The following DNAH10 variants were observed in gnomAD, a reference collection of about 807,000 sequenced individuals.
DNAH10 encodes axonemal beta dynein heavy chain 10.
In DNAH10, 348 loss-of-function variants were observed where a neutral mutation model predicts 506.6. The observed-to-expected ratio is 0.69, with a 90% CI of 0.63 to 0.75. The LOEUF is 0.75. DNAH10 is among the 30% of genes least tolerant of loss of function. The pLI, the probability that DNAH10 is intolerant of heterozygous loss-of-function variation, is 0.00. For synonymous variants in DNAH10, 2,059 were observed against 2,198.6 expected, an observed-to-expected ratio of 0.94 and a Z score of 1.78; for missense variants, 5,179 against 5,787.1, an observed-to-expected ratio of 0.89 and a Z score of 3.41.
chr12:123,865,445 G>A (rs975160688), intron 40 of DNAH10, among the ~76,000 whole-genome samples: 1 of 151,970 alleles, frequency 6.6e-6, no homozygotes. Flanking sequence ...AAATTTGTCA[G>A]TGCATGAAAT....
rs1382578487 is a variant in DNAH10, at chr12:123,933,336, CGA to C, written c.13306_13307del (p.Ser4436ArgfsTer14). On this transcript the variant is annotated frameshift_variant, in exon 77 of 79. Coordinates refer to ENST00000673944, the MANE Select transcript of DNAH10 (RefSeq NM_001372106.1). LOFTEE classifies it high-confidence loss of function. ...RFSQYMLWVT[E>X]SEPSVMWLSG... ...TTGTCCTCTCTTCTCTCCAGGTGACCGAGAGCGAGCCCAGCGTGATGTGGCTC... is the reference window on the plus strand; with the variant it reads ...TTGTCCTCTCTTCTCTCCAGGTGACCGAGCGAGCCCAGCGTGATGTGGCTC... 1 of 1,564,334 alleles carries C rather than the reference CGA, an allele frequency of 6.4e-7. No individual in the cohort carries two copies. Among genetic ancestry groups the C allele is most frequent in the African/African-American group, 1.4e-5 (1 of 73,002 alleles).
At chr12:123,836,115 G>A (rs1402725422) in intron 28 of DNAH10, among the ~76,000 whole-genome samples, 1 of 152,144 alleles carries the variant, frequency 6.6e-6, no homozygotes, top group Non-Finnish European at 1.5e-5. Context: ...TCATGGTTCT[G>A]TCACTTTAAT....
chr12:123,921,250 C>T (rs577323009), intron 65 of DNAH10, among the ~76,000 whole-genome samples: 1 of 152,302 alleles, frequency 6.6e-6, no homozygotes, highest in East Asian at 1.9e-4. Flanking sequence ...TCAGCCTTTT[C>T]CTAGAGTATG....
At chr12:123,934,063 A>C (rs1263820841) in intron 77 of DNAH10, 1 of 562,394 alleles carries the variant, frequency 1.8e-6, no homozygotes, top group Non-Finnish European at 3.2e-6. Context: ...CTGGGGACTT[A>C]CGGTAAAGAT....
At chr12:123,852,191 A>G (rs1459430200) in intron 35 of DNAH10, among the ~76,000 whole-genome samples, 2 of 152,240 alleles carry the variant, frequency 1.3e-5, no homozygotes, top group African/African-American at 4.8e-5. Flanking sequence ...GACATGTAGT[A>G]TGGAACCCTT....
chr12:123,866,625 A>G (rs970650854), intron 41 of DNAH10, among the ~76,000 whole-genome samples: 1 of 152,130 alleles, frequency 6.6e-6, no homozygotes, highest in African/African-American at 2.4e-5. Context: ...AGGTTGACAA[A>G]CTTTTTCTGT....
intron 52 of DNAH10, among the ~76,000 whole-genome samples, chr12:123,892,775 C>G (rs991888008): frequency 2.0e-5 from 3 of 152,210 alleles, no homozygotes; most frequent in Admixed American, 6.5e-5. Context: ...CTGGGCTGTT[C>G]TTTGTTGTGG....
chr12:123,851,046 GCT>G lies in DNAH10; in HGVS notation c.6264_6265del (p.Phe2089LeufsTer2). The part of the protein sequence containing the change: ...PDLQQICEIM[L>X]FSEGFLEAKT... Reference sequence around the variant, plus strand: ...ACCTGCAGCAGATCTGTGAGATCATGCTCTTCTCTGAGGGCTTCCTGGAGGCC... The same window carrying G: ...ACCTGCAGCAGATCTGTGAGATCATGCTTCTCTGAGGGCTTCCTGGAGGCC... On this transcript the variant is annotated frameshift_variant, in exon 35 of 79. Transcript: ENST00000673944. LOFTEE classifies it high-confidence loss of function. 2 of 1,611,678 alleles carry G rather than the reference GCT, an allele frequency of 1.2e-6. No individual in the cohort carries two copies. Among genetic ancestry groups the G allele is most frequent in the Non-Finnish European group, 1.7e-6 (2 of 1,178,378 alleles).
rs780124451 is a variant in DNAH10, at chr12:123,932,048, A to T, written c.13236A>T (p.Leu4412Phe). The change falls in exon 76 of 79, where the codon TTA becomes TTT. Residue 4412 changes from leucine (L) to phenylalanine (F), a missense_variant. Physicochemically the swap from Leu to Phe is conservative, Grantham distance 22 (BLOSUM62 0). Transcript: ENST00000673944. ...NIWRRLAPDT[L>F]KSLGNWMVYF... ...GGAGAAGGCTTGCTCCTGACACCTT[A>T]AAGTCCCTTGGAAACTGGATGGTCT... 6.2e-7 allele frequency: 1 copy of T among 1,613,880 alleles called. No individual in the cohort carries two copies. The highest frequency in any genetic ancestry group is 1.3e-5 in the African/African-American group (1 of 74,924).
intron 54 of DNAH10, among the ~76,000 whole-genome samples, chr12:123,896,149 A>ACACACACAGAGATT (rs61054448): frequency 1.4e-4 from 8 of 59,212 alleles, no homozygotes; most frequent in Admixed American, 7.9e-4. Context: ...ACACACACAC[A>ACACACACAGAGATT]GAGAGAGAGA....
At chr12:123,822,527 T>C (rs1232531537) in intron 24 of DNAH10, among the ~76,000 whole-genome samples, 1 of 152,214 alleles carries the variant, frequency 6.6e-6, no homozygotes, top group Middle Eastern at 3.2e-3. Flanking sequence ...TGTATCTATA[T>C]CTAATCTACA....
chr12:123,931,234 A>C (rs1184449129), intron 73 of DNAH10, 107 bp from the exon 74 acceptor site: 4 of 1,506,792 alleles, frequency 2.7e-6, no homozygotes, highest in Non-Finnish European at 3.5e-6. Flanking sequence ...GTCACCCTCT[A>C]AACAGTGGAA....
In DNAH10 at chr12:123,800,270, A is replaced by G. The variant is rs750118664; in HGVS notation, c.2344A>G (p.Ile782Val). ...STLERGAVFA[I>V]NFSPALREII... is the part of the protein sequence containing the mutation. Reference sequence around the variant, plus strand: ...TTTAGAAAGGGGAGCTGTTTTTGCAATCAACTTTTCACCGGCTCTCAGAGA... The same window carrying G: ...TTTAGAAAGGGGAGCTGTTTTTGCAGTCAACTTTTCACCGGCTCTCAGAGA... The change falls in exon 15 of 79, where the codon ATC becomes GTC. Residue 782 changes from isoleucine to valine, a missense_variant. Ile to Val is a conservative substitution (Grantham distance 29). Transcript: ENST00000673944. 8.1e-6 allele frequency: 13 copies of G among 1,614,034 alleles called. No homozygotes were observed. The highest frequency in any genetic ancestry group is 1.1e-5 in the South Asian group (1 of 91,044).
intron 66 of DNAH10, 111 bp from the exon 67 acceptor site, chr12:123,924,167 G>T: frequency 7.2e-7 from 1 of 1,395,612 alleles, no homozygotes; most frequent in Non-Finnish European, 9.5e-7. Context: ...CCTGTTTCCA[G>T]TCTCCTTCTT....
chr12:123,783,617 G>C (rs1957744007), intron 7 of DNAH10, among the ~76,000 whole-genome samples: 1 of 152,196 alleles, frequency 6.6e-6, no homozygotes, highest in Admixed American at 6.5e-5. Flanking sequence ...TCTGATCAGG[G>C]CTCTGGCTAT....
intron 29 of DNAH10, among the ~76,000 whole-genome samples, chr12:123,840,627 AATACTTC>A (rs1950741116): frequency 6.6e-6 from 1 of 152,044 alleles, no homozygotes; most frequent in South Asian, 2.1e-4. Flanking sequence ...CAGTGTTAGG[AATACTTC>A]ATTTACTGTT....
intron 56 of DNAH10, among the ~76,000 whole-genome samples, chr12:123,899,017 T>C (rs75454973): frequency 0.32 from 48,193 of 152,040 alleles, 8,831 homozygotes; most frequent in African/African-American, 0.52. Flanking sequence ...CAGCCAGTCT[T>C]GTCCCCTTTC....
At chr12:123,789,891 AAT>A (rs1958014084) in intron 10 of DNAH10, 34 bp from the exon 11 acceptor site, 5 of 1,583,004 alleles carry the variant, frequency 3.2e-6, no homozygotes, top group Non-Finnish European at 4.3e-6. Flanking sequence ...GGAAAACCCA[AAT>A]GTAATCTCCT....
intron 30 of DNAH10, among the ~76,000 whole-genome samples, chr12:123,842,366 G>C (rs774777811): frequency 2.0e-5 from 3 of 152,236 alleles, no homozygotes; most frequent in Non-Finnish European, 2.9e-5. Context: ...AGCCCTGCCT[G>C]CTCCTAGCAG....
Sources: gnomAD v4.1 joint callset for allele counts (sites outside exome capture counted in the v4.1 genomes callset) on GRCh38, gnomAD v4.1.1 for gene constraint, MANE v1.5 for transcripts, NCBI Gene and HGNC (gene_info 2026-07-23, HGNC 2026-07-21) for gene names.